Variants in PPP2R2B observed in about 807,000 individuals in gnomAD.
PPP2R2B encodes the protein serine/threonine-protein phosphatase 2A 55 kDa regulatory subunit B beta isoform.
A neutral mutation model predicts 46.0 loss-of-function variants in PPP2R2B; 5 were observed. That is an observed-to-expected ratio of 0.11 (90% confidence interval 0.06 to 0.23). The LOEUF is 0.23. Among genes scored for constraint, PPP2R2B ranks in the 10% least tolerant of loss-of-function variants. The pLI is 1.00. For synonymous variants in PPP2R2B, 215 were observed against 206.7 expected (o/e 1.04, Z -0.34); for missense variants, 367 against 575.0 (o/e 0.64, Z 3.70).
intron 2 of PPP2R2B, among the ~76,000 whole-genome samples, chr5:146,810,350 T>G (rs1167863690): frequency 1.3e-5 from 2 of 151,436 alleles, no homozygotes; most frequent in Non-Finnish European, 2.9e-5. Flanking sequence ...GTGAAAGGAG[T>G]TTCCCGTTAT....
intron 2 of PPP2R2B, among the ~76,000 whole-genome samples, chr5:146,764,756 A>T (rs1754369464): frequency 1.3e-5 from 2 of 152,060 alleles, no homozygotes; most frequent in East Asian, 1.9e-4. Context: ...TCAAGAGGTG[A>T]TCTTGCTAGC....
At chr5:146,782,249 T>C (rs1461487588) in intron 2 of PPP2R2B, among the ~76,000 whole-genome samples, 1 of 152,202 alleles carries the variant, frequency 6.6e-6, no homozygotes, top group Non-Finnish European at 1.5e-5. Flanking sequence ...TTTATAGCAA[T>C]GCAGGAACGA....
intron 5 of PPP2R2B, among the ~76,000 whole-genome samples, chr5:146,655,869 C>A (rs1305149729): frequency 8.9e-6 from 1 of 112,900 alleles, no homozygotes; most frequent in Non-Finnish European, 1.7e-5. Flanking sequence ...CTAGGCAGGG[C>A]TTGAAGGGTG....
chr5:146,777,771 A>G (rs995324258), intron 2 of PPP2R2B, among the ~76,000 whole-genome samples: 1 of 152,170 alleles, frequency 6.6e-6, no homozygotes, highest in African/African-American at 2.4e-5. Flanking sequence ...GCCCTTATAA[A>G]CTGGAACTTA....
intron 7 of PPP2R2B, among the ~76,000 whole-genome samples, chr5:146,635,112 C>T (rs917682964): frequency 6.6e-6 from 1 of 152,086 alleles, no homozygotes; most frequent in Non-Finnish European, 1.5e-5. Flanking sequence ...AAATTTAGTT[C>T]TTGTGAACAA....
At chr5:146,746,380 G>A (rs999073071) in intron 2 of PPP2R2B, among the ~76,000 whole-genome samples, 2 of 39,896 alleles carry the variant, frequency 5.0e-5, no homozygotes, top group Non-Finnish European at 1.2e-4. Flanking sequence ...TGGACTGGGA[G>A]TTTAAAAAAA....
rs372618405 is a variant in PPP2R2B, at chr5:147,065,601, G to A, written c.50+15458C>T. ...AGAGGCTGCTCCAATATCCAGAGAA[G>A]AGAAGATGGTGTCCAAACTAAGATA... On this transcript the variant is annotated intron_variant, in intron 2 of 10. Coordinates refer to the PPP2R2B transcript ENST00000394413. 2.6e-5 allele frequency among the ~76,000 whole-genome samples: 4 copies of A among 152,252 alleles called. No homozygotes were observed. In the South Asian group the frequency reaches 8.3e-4, roughly 32 times the overall value.
At chr5:147,038,250 C>A (rs1756132463) in intron 1 of PPP2R2B, among the ~76,000 whole-genome samples, 1 of 152,054 alleles carries the variant, frequency 6.6e-6, no homozygotes, top group South Asian at 2.1e-4. Flanking sequence ...AGCTTACATT[C>A]TTATAAGTTA....
intron 1 of PPP2R2B, among the ~76,000 whole-genome samples, chr5:146,926,403 T>G (rs1763783608): frequency 6.6e-6 from 1 of 152,108 alleles, no homozygotes; most frequent in African/African-American, 2.4e-5. Flanking sequence ...TTTACTTTTT[T>G]TTTGTTTTCG....
Position 146,630,045 on chromosome 5 carries a change from C to T in PPP2R2B, c.790+8206G>A, listed in dbSNP as rs371121436. ...GCCAGGCTGGTCTCGAACCTCCTGG[C>T]CTCAAGCAACCCACCTGCCTCAGCC... On this transcript the variant is annotated intron_variant, in intron 7 of 9. Transcript: ENST00000394411. Among the ~76,000 whole-genome samples the T allele has an allele frequency of 1.8e-4, 27 of 152,284 alleles. No individual in the cohort carries two copies. The East Asian group carries it at 4.6e-3, about 26-fold the overall frequency.
chr5:146,756,722 T>G (rs530983144), intron 2 of PPP2R2B, among the ~76,000 whole-genome samples: 6 of 152,324 alleles, frequency 3.9e-5, no homozygotes, highest in Admixed American at 1.3e-4. Flanking sequence ...CCATGAGAAT[T>G]AAATGAGTGA....
intron 2 of PPP2R2B, among the ~76,000 whole-genome samples, chr5:146,841,786 T>C (rs1434048003): frequency 6.6e-6 from 1 of 151,522 alleles, no homozygotes; most frequent in African/African-American, 2.4e-5. Context: ...CTGTTGGGGG[T>C]TGGGGAGCTA....
chr5:146,871,677 T>C (rs1338030541), intron 2 of PPP2R2B, among the ~76,000 whole-genome samples: 1 of 152,144 alleles, frequency 6.6e-6, no homozygotes, highest in Admixed American at 6.5e-5. Flanking sequence ...CAGGCGCCAA[T>C]GGGATATATG....
chr5:146,968,035 C>G (rs1230725103), intron 1 of PPP2R2B, among the ~76,000 whole-genome samples: 1 of 152,168 alleles, frequency 6.6e-6, no homozygotes, highest in Non-Finnish European at 1.5e-5. Flanking sequence ...AACAATCTTG[C>G]CAATTACGTG....
chr5:146,678,308 T>C (rs1021980280), intron 5 of PPP2R2B, among the ~76,000 whole-genome samples: 41 of 150,644 alleles, frequency 2.7e-4, no homozygotes, highest in African/African-American at 9.5e-4. Flanking sequence ...CTTATCTCAA[T>C]AGATGCAGAA....
chr5:147,014,467 C>A (rs1754898466), intron 1 of PPP2R2B, among the ~76,000 whole-genome samples: 1 of 152,006 alleles, frequency 6.6e-6, no homozygotes, highest in Admixed American at 6.6e-5. Flanking sequence ...TTCACAATAG[C>A]AAAGACTTGG....
chr5:146,598,774 T>C (rs769004237), intron 8 of PPP2R2B, among the ~76,000 whole-genome samples: 1 of 152,218 alleles, frequency 6.6e-6, no homozygotes, highest in Non-Finnish European at 1.5e-5. Context: ...TACACTCATC[T>C]AAGCTACTAT....
At chr5:146,698,821 GGAATGATGA>G (rs996743074) in intron 3 of PPP2R2B, among the ~76,000 whole-genome samples, 2 of 151,766 alleles carry the variant, frequency 1.3e-5, no homozygotes, top group African/African-American at 4.8e-5. Flanking sequence ...GCATCATTAA[GGAATGATGA>G]GACTTTACCT....
chr5:147,005,840 T>G (rs900433737), intron 1 of PPP2R2B, among the ~76,000 whole-genome samples: 4 of 151,844 alleles, frequency 2.6e-5, no homozygotes, highest in African/African-American at 9.7e-5. Context: ...AAATAGTAAA[T>G]AAAAAACAGT....
Sources: gnomAD v4.1 joint callset for allele counts (sites outside exome capture counted in the v4.1 genomes callset) on GRCh38, gnomAD v4.1.1 for gene constraint, MANE v1.5 for transcripts, NCBI Gene and HGNC (gene_info 2026-07-23, HGNC 2026-07-21) for gene names.